The following ASTN2 variants were observed in gnomAD, a reference collection of about 807,000 sequenced individuals.
ASTN2 encodes astrotactin-2.
Under a neutral mutation model 139.8 loss-of-function variants are expected in ASTN2, and 54 were observed. The ratio of observed to expected loss-of-function variants is 0.39; its 90% CI spans 0.31 to 0.48. ASTN2 has a LOEUF of 0.48. Among genes scored for constraint, ASTN2 ranks in the 20% least tolerant of loss-of-function variants. The probability of loss-of-function intolerance (pLI) is 0.95; values close to 1 mark genes in which losing one functional copy is unlikely to be tolerated. For missense variants in ASTN2, 1,565 were observed against 1,725.1 expected (o/e 0.91, Z 1.64); for synonymous variants, 756 against 719.5 (o/e 1.05, Z -0.81).
chr9:116,704,537 G>A (rs369892216), intron 16 of ASTN2, among the ~76,000 whole-genome samples: 1 of 152,176 alleles, frequency 6.6e-6, no homozygotes, highest in Admixed American at 6.5e-5. Context: ...ATATGTAAAA[G>A]TACCTAATTC....
intron 19 of ASTN2, among the ~76,000 whole-genome samples, chr9:116,503,945 G>T (rs1319783862): frequency 6.6e-6 from 1 of 152,212 alleles, no homozygotes; most frequent in South Asian, 2.1e-4. Context: ...TCACAGTTCT[G>T]CTCTCCATAG....
chr9:116,458,960 A>G (rs186857577), intron 20 of ASTN2, among the ~76,000 whole-genome samples: 1 of 152,192 alleles, frequency 6.6e-6, no homozygotes, highest in East Asian at 1.9e-4. Context: ...AACAATATTT[A>G]AAAAGAAAAA....
chr9:117,398,041 T>C (rs551459774), intron 1 of ASTN2, among the ~76,000 whole-genome samples: 1 of 152,314 alleles, frequency 6.6e-6, no homozygotes, highest in East Asian at 1.9e-4. Flanking sequence ...TGTATGTATG[T>C]ATTTGTGTAC....
In ASTN2 at chr9:117,414,434, T is replaced by A. The variant is rs1564192079; in HGVS notation, c.442+63A>T. On this transcript the variant is annotated intron_variant, in intron 1 of 22. Coordinates refer to ENST00000313400, the MANE Select transcript of ASTN2 (RefSeq NM_001365068.1). The surrounding 1 kb of genome is among the most constrained non-coding windows in gnomAD (Gnocchi z 4.2). ...GGGATCCCCAGGGCGCCCCCACCCG[T>A]CCGGCATGACGCAGGGGCTCGGGGT... The A allele has an allele frequency of 4.4e-6, 7 of 1,587,340 alleles. No homozygotes were observed. The highest frequency in any genetic ancestry group is 6.0e-6 in the Non-Finnish European group (7 of 1,167,084).
At chr9:117,311,188 T>A (rs1827963406) in intron 1 of ASTN2, among the ~76,000 whole-genome samples, 2 of 144,084 alleles carry the variant, frequency 1.4e-5, no homozygotes, top group South Asian at 4.4e-4. Context: ...TAGTACTGCA[T>A]CAGGCATAGA....
At chr9:117,257,795 T>C (rs1483901141) in intron 2 of ASTN2, among the ~76,000 whole-genome samples, 3 of 152,104 alleles carry the variant, frequency 2.0e-5, no homozygotes, top group African/African-American at 4.8e-5. Context: ...GTGGACTAAA[T>C]GTATAAAAGA....
At position 116,440,776 on chromosome 9, in the gene ASTN2, G is replaced by C. The variant is rs1000397570; in HGVS notation, c.3615C>G (p.Ile1205Met). 1.2e-5 allele frequency: 19 copies of C among 1,613,434 alleles called. No individual in the cohort carries two copies. Among genetic ancestry groups the C allele is most frequent in the Non-Finnish European group, 1.4e-5 (16 of 1,179,584 alleles). The change falls in exon 22 of 23, where the codon ATC (isoleucine) becomes ATG (methionine). Residue 1205 changes from isoleucine (I) to methionine (M), a missense_variant. Physicochemically the swap from Ile to Met is conservative, Grantham distance 10. Coordinates refer to ENST00000313400, the MANE Select transcript of ASTN2 (RefSeq NM_001365068.1). Reference protein sequence around the residue: ...DNKAEEIADKIYNLYNGYTSG... With the variant: ...DNKAEEIADKMYNLYNGYTSG... ...TTGTGTACCCATTGTACAGATTGTA[G>C]ATCTTGTCAGCTATTTCTGAGAGGG...
At chr9:116,528,687 G>GC (rs1564344565) in intron 19 of ASTN2, among the ~76,000 whole-genome samples, 1 of 152,196 alleles carries the variant, frequency 6.6e-6, no homozygotes, top group African/African-American at 2.4e-5. Flanking sequence ...AAGCCTGGAG[G>GC]CCTAGGAGGC....
chr9:116,423,449 G>A lies in ASTN2; in HGVS notation c.*2402C>T, dbSNP rs1054062566. Among the ~76,000 whole-genome samples the A allele has an allele frequency of 2.0e-5, 3 of 152,130 alleles. No homozygotes were observed. Among genetic ancestry groups the A allele is most frequent in the Non-Finnish European group, 4.4e-5 (3 of 68,028 alleles). ...GCTCAGATCACCACACCAGCACATTGAGTGCTGTAATTTTCTGCAACTGTT... is the reference window on the plus strand; with the variant it reads ...GCTCAGATCACCACACCAGCACATTAAGTGCTGTAATTTTCTGCAACTGTT... On this transcript the variant is annotated 3_prime_UTR_variant, in exon 23 of 23. Transcript: ENST00000313400.
intron 10 of ASTN2, among the ~76,000 whole-genome samples, chr9:116,866,770 G>A (rs1833022171): frequency 6.6e-6 from 1 of 151,878 alleles, no homozygotes; most frequent in South Asian, 2.1e-4. Context: ...GCATGCTCCT[G>A]TAATCCCAGT....
chr9:116,869,618 G>A (rs957775602), intron 10 of ASTN2, among the ~76,000 whole-genome samples: 1 of 152,102 alleles, frequency 6.6e-6, no homozygotes, highest in Admixed American at 6.6e-5. Context: ...CCACACTCCA[G>A]CAACCGTGTA....
At chr9:116,687,248 G>A in intron 16 of ASTN2, 1 of 995,716 alleles carries the variant, frequency 1.0e-6, no homozygotes, top group South Asian at 4.5e-5. Context: ...AGCATGCTGG[G>A]GAGGCGGGGC....
chr9:116,451,479 GT>G (rs1240765911), intron 20 of ASTN2, among the ~76,000 whole-genome samples: 2 of 151,876 alleles, frequency 1.3e-5, no homozygotes, highest in Non-Finnish European at 2.9e-5. Flanking sequence ...GGTTTTTGCT[GT>G]CATGGAGCTC....
intron 10 of ASTN2, among the ~76,000 whole-genome samples, chr9:116,875,749 C>T (rs1833278160): frequency 6.6e-6 from 1 of 152,162 alleles, no homozygotes; most frequent in Non-Finnish European, 1.5e-5. Context: ...TATAAAAGCC[C>T]TAGGGCCTTT....
rs386416019 is a variant in ASTN2, at chr9:116,453,593, C to CAAAAAAAAAAAAAAAAAAAAAAAA, written c.3498-11064_3498-11041dup. On this transcript the variant is annotated intron_variant, in intron 20 of 22. Transcript: ENST00000313400. ...TGGGCAAAAGTGCGAGACTCCGTCT[C>CAAAAAAAAAAAAAAAAAAAAAAAA]AAAAAAAAAAAAAAAAAAAAAAAAA... Among the ~76,000 whole-genome samples the CAAAAAAAAAAAAAAAAAAAAAAAA allele has an allele frequency of 6.8e-5, 4 of 58,794 alleles. No homozygotes were observed. The East Asian group carries it at 2.1e-3, about 31-fold the overall frequency. 38.6% of individuals were successfully genotyped at this position (58,794 alleles called of 152,430 possible). A position where few individuals can be genotyped will look rare whatever the true frequency, so the allele number is the denominator to read the frequency against.
intron 16 of ASTN2, among the ~76,000 whole-genome samples, chr9:116,691,790 T>A (rs803938): frequency 0.12 from 17,544 of 152,180 alleles, 1,075 homozygotes; most frequent in East Asian, 0.15. Context: ...CGAGTGGCCT[T>A]TGGTGGCACA....
intron 1 of ASTN2, among the ~76,000 whole-genome samples, chr9:117,342,824 T>A (rs1365462506): frequency 6.6e-6 from 1 of 152,206 alleles, no homozygotes; most frequent in Non-Finnish European, 1.5e-5. Context: ...TATTTCCATG[T>A]CCCTGATGAC....
At chr9:116,477,991 G>C (rs1849043216) in intron 20 of ASTN2, among the ~76,000 whole-genome samples, 1 of 150,252 alleles carries the variant, frequency 6.7e-6, no homozygotes, top group Non-Finnish European at 1.5e-5. Context: ...AGAAACAGAG[G>C]GCAGAGGGGG....
At chr9:117,131,126 G>A (rs1222026108) in intron 4 of ASTN2, among the ~76,000 whole-genome samples, 1 of 152,168 alleles carries the variant, frequency 6.6e-6, no homozygotes, top group Non-Finnish European at 1.5e-5. Flanking sequence ...CCTAATGTAG[G>A]TAATAGGGCC....
Sources: allele counts gnomAD v4.1 joint callset (sites outside exome capture counted in the v4.1 genomes callset), GRCh38; gene constraint gnomAD v4.1.1; non-coding constraint Gnocchi (gnomAD v3.1); transcripts MANE v1.5; gene names NCBI Gene and HGNC (gene_info 2026-07-23, HGNC 2026-07-21).